Variants in EIF3L observed in about 807,000 individuals in gnomAD.
The protein encoded by EIF3L is eIEF associated protein HSPC021.
In EIF3L, 32 loss-of-function variants were observed where a neutral mutation model predicts 74.6. The ratio of observed to expected loss-of-function variants is 0.43; its 90% CI spans 0.32 to 0.58. The LOEUF (loss-of-function observed/expected upper bound fraction) is 0.58. Ranked by LOEUF, EIF3L falls within the 20% of genes least tolerant of loss-of-function variation. The pLI, the probability that EIF3L is intolerant of heterozygous loss-of-function variation, is 0.06. For synonymous variants in EIF3L, 256 were observed against 254.4 expected (o/e 1.01, Z -0.06); for missense variants, 474 against 707.8 (o/e 0.67, Z 3.75).
At chr22:37,870,577 C>T (rs568308228) in intron 8 of EIF3L, among the ~76,000 whole-genome samples, 2 of 152,226 alleles carry the variant, frequency 1.3e-5, no homozygotes, top group Non-Finnish European at 2.9e-5. Context: ...TTGAGATTTG[C>T]GTTTGTAAAC....
chr22:37,852,084 G>A lies in EIF3L; in HGVS notation c.293+594G>A, dbSNP rs570613745. Among the ~76,000 whole-genome samples the A allele has an allele frequency of 1.4e-3, 208 of 152,230 alleles. 1 individual carries two copies. Among genetic ancestry groups the A allele is most frequent in the African/African-American group, 4.6e-3 (193 of 41,538 alleles). ...CTCCCAGAGTGCTAGGATTACAAGC[G>A]TGAGCCACCATGCCCGGCCTGTTGG... On this transcript the variant is annotated intron_variant, in intron 3 of 12. Coordinates refer to ENST00000652021, the MANE Select transcript of EIF3L (RefSeq NM_016091.4).
chr22:37,875,127 G>A (rs1036990210), intron 9 of EIF3L, among the ~76,000 whole-genome samples: 11 of 151,438 alleles, frequency 7.3e-5, no homozygotes, highest in African/African-American at 2.4e-4. Context: ...CCAGCAGTTT[G>A]GGAGGCTGAG....
intron 5 of EIF3L, among the ~76,000 whole-genome samples, chr22:37,860,873 A>C (rs192815475): frequency 6.6e-6 from 1 of 152,070 alleles, no homozygotes; most frequent in Non-Finnish European, 1.5e-5. Flanking sequence ...CAATCCTACC[A>C]TGACTTCCCA....
chr22:37,874,256 G>T (rs912720268), intron 8 of EIF3L, 114 bp from the exon 9 acceptor site: 2 of 1,115,914 alleles, frequency 1.8e-6, no homozygotes, highest in South Asian at 1.8e-5. Flanking sequence ...CAGTTGTTGA[G>T]GGAAGCTTTC....
intron 7 of EIF3L, among the ~76,000 whole-genome samples, chr22:37,867,044 CTTTG>C (rs1926188884): frequency 1.3e-5 from 2 of 152,016 alleles, no homozygotes; most frequent in Admixed American, 6.6e-5. Context: ...TTTTTTGTTT[CTTTG>C]TTTAAGAGAT....
intron 8 of EIF3L, 94 bp from the exon 9 acceptor site, chr22:37,874,276 A>G: frequency 3.8e-6 from 5 of 1,332,526 alleles, no homozygotes; most frequent in Non-Finnish European, 5.1e-6. Context: ...CAAGGCTGGC[A>G]GTAGGTGAGA....
intron 5 of EIF3L, 83 bp from the exon 6 acceptor site, chr22:37,862,886 G>A (rs1258849855): frequency 1.0e-6 from 1 of 982,124 alleles, no homozygotes; most frequent in East Asian, 2.5e-5. Context: ...TCTTGTATTT[G>A]TTCACAGCTG....
At chr22:37,886,066 T>C in intron 11 of EIF3L, 1 of 148,690 alleles carries the variant, frequency 6.7e-6, no homozygotes, top group Non-Finnish European at 1.5e-5. Context: ...TGGTGGCGGG[T>C]GCCTGTAGTC....
intron 9 of EIF3L, 62 bp from the exon 10 acceptor site, chr22:37,875,779 A>G (rs1002466273): frequency 6.6e-7 from 1 of 1,514,838 alleles, no homozygotes; most frequent in African/African-American, 1.4e-5. Flanking sequence ...TGGTGTTTCT[A>G]CCTCTGGTTC....
chr22:37,876,100 A>G, intron 10 of EIF3L, 89 bp downstream of exon 10: 2 of 1,402,786 alleles, frequency 1.4e-6, no homozygotes, highest in Non-Finnish European at 1.9e-6. Context: ...AACACCATCC[A>G]AAATATTGCA....
chr22:37,858,660 C>T lies in EIF3L; in HGVS notation c.374-19C>T, dbSNP rs764649097. On this transcript the variant is annotated intron_variant, in intron 4 of 12. Coordinates refer to ENST00000652021, the MANE Select transcript of EIF3L (RefSeq NM_016091.4). ...CCAGTTTTATGGTTAGTGAAGCACC[C>T]TTCTGCCATCTCTTTCAGATGCTGT... The T allele has an allele frequency of 1.9e-6, 3 of 1,608,580 alleles. No individual in the cohort carries two copies. Among genetic ancestry groups the T allele is most frequent in the Non-Finnish European group, 2.5e-6 (3 of 1,178,266 alleles).
intron 5 of EIF3L, among the ~76,000 whole-genome samples, chr22:37,860,887 C>T (rs1925820188): frequency 6.6e-6 from 1 of 152,206 alleles, no homozygotes; most frequent in Non-Finnish European, 1.5e-5. Flanking sequence ...CTTCCCATCA[C>T]ACTTACTAAT....
chr22:37,863,804 G>A lies in EIF3L; in HGVS notation c.579+459G>A, dbSNP rs1235035801. Among the ~76,000 whole-genome samples the A allele has an allele frequency of 3.9e-5, 6 of 151,948 alleles. No individual in the cohort carries two copies. In the East Asian group the frequency reaches 5.8e-4, roughly 15 times the overall value. ...GGTCAGGCCGGGCGCGGTGACTCACGCCTGTAATCCTAGCACTTTGGGAGG... is the reference window on the plus strand; with the variant it reads ...GGTCAGGCCGGGCGCGGTGACTCACACCTGTAATCCTAGCACTTTGGGAGG... On this transcript the variant is annotated intron_variant, in intron 7 of 12. Coordinates refer to ENST00000652021, the MANE Select transcript of EIF3L (RefSeq NM_016091.4).
At chr22:37,872,150 G>T (rs1039192066) in intron 8 of EIF3L, among the ~76,000 whole-genome samples, 27 of 151,296 alleles carry the variant, frequency 1.8e-4, no homozygotes, top group Non-Finnish European at 1.9e-4. Context: ...GACAGAATCT[G>T]CTCTGTTGCT....
chr22:37,888,347 T>C (rs1315217304), intron 12 of EIF3L, 79 bp from the exon 13 acceptor site: 1 of 1,492,570 alleles, frequency 6.7e-7, no homozygotes, highest in East Asian at 2.3e-5. Context: ...GCTGGGAATC[T>C]GACCTAGTGA....
rs987579357 is a variant in EIF3L, at chr22:37,851,226, C to A, written c.83-54C>A. On this transcript the variant is annotated intron_variant, in intron 2 of 12. Coordinates refer to ENST00000652021, the MANE Select transcript of EIF3L (RefSeq NM_016091.4). Reference sequence around the variant, plus strand: ...TCTGGGGTGGTCTTGCCATTTCGTTCTATCATATATGTGGGTTTGAGCATA... The same window carrying A: ...TCTGGGGTGGTCTTGCCATTTCGTTATATCATATATGTGGGTTTGAGCATA... 4 of 1,522,142 alleles carry A rather than the reference C, an allele frequency of 2.6e-6. No homozygotes were observed. The African/African-American group carries it at 5.5e-5, about 21-fold the overall frequency. 94.3% of individuals were successfully genotyped at this position (1,522,142 alleles called of 1,614,324 possible).
intron 11 of EIF3L, 68 bp downstream of exon 11, chr22:37,878,239 C>T: frequency 6.6e-7 from 1 of 1,508,844 alleles, no homozygotes; most frequent in Non-Finnish European, 8.8e-7. Flanking sequence ...CTATTGTGGG[C>T]ACATGAAGTA....
intron 5 of EIF3L, among the ~76,000 whole-genome samples, chr22:37,861,481 C>T (rs867337685): frequency 5.9e-5 from 9 of 152,048 alleles, no homozygotes; most frequent in African/African-American, 1.7e-4. Context: ...GTCAGGAGTT[C>T]GAGACCAGCC....
At chr22:37,862,850 AAGAAAGAG>A (rs1477371024) in intron 5 of EIF3L, 111 bp from the exon 6 acceptor site, 1 of 732,520 alleles carries the variant, frequency 1.4e-6, no homozygotes, top group Non-Finnish European at 2.2e-6. Context: ...TTTACATAGT[AAGAAAGAG>A]AGGACAGATA....
Sources: gnomAD v4.1 joint callset for allele counts (sites outside exome capture counted in the v4.1 genomes callset) on GRCh38, gnomAD v4.1.1 for gene constraint, MANE v1.5 for transcripts, NCBI Gene and HGNC (gene_info 2026-07-23, HGNC 2026-07-21) for gene names.